The following BIN2 variants were observed in gnomAD, a reference collection of about 807,000 sequenced individuals.
BIN2 encodes bridging integrator 2.
A neutral mutation model predicts 67.9 loss-of-function variants in BIN2; 43 were observed. The ratio of observed to expected loss-of-function variants is 0.63; its 90% CI spans 0.50 to 0.82. The LOEUF (loss-of-function observed/expected upper bound fraction) is 0.82. Among genes scored for constraint, BIN2 ranks in the 40% least tolerant of loss-of-function variants. The pLI, the probability that BIN2 is intolerant of heterozygous loss-of-function variation, is 0.00. For synonymous variants in BIN2, 244 were observed against 246.8 expected, an observed-to-expected ratio of 0.99 and a Z score of 0.11; for missense variants, 581 against 671.6, an observed-to-expected ratio of 0.87 and a Z score of 1.49.
At chr12:51,287,718 CT>C (rs1461079906) in intron 11 of BIN2, among the ~76,000 whole-genome samples, 7 of 150,852 alleles carry the variant, frequency 4.6e-5, no homozygotes, top group Non-Finnish European at 8.8e-5. Context: ...GTGGCGCAAT[CT>C]CGGCTCACTG....
At chr12:51,304,335 C>A (rs1423932401) in intron 2 of BIN2, 1 of 152,218 alleles carries the variant, frequency 6.6e-6, no homozygotes, top group African/African-American at 2.4e-5. Flanking sequence ...TCCACACATG[C>A]TTGAAGACAA....
intron 1 of BIN2, among the ~76,000 whole-genome samples, chr12:51,322,327 T>C (rs1946304218): frequency 6.6e-6 from 1 of 152,238 alleles, no homozygotes; most frequent in Non-Finnish European, 1.5e-5. Flanking sequence ...GTTTTAGTGT[T>C]GACGAGAGGC....
intron 2 of BIN2, among the ~76,000 whole-genome samples, chr12:51,310,308 C>CTT (rs1470146957): frequency 2.0e-4 from 31 of 152,198 alleles, no homozygotes; most frequent in African/African-American, 7.5e-4. Context: ...AACCTAGTAT[C>CTT]ATTAACAAAT....
At chr12:51,318,326 A>G (rs1479081623) in intron 1 of BIN2, among the ~76,000 whole-genome samples, 1 of 147,166 alleles carries the variant, frequency 6.8e-6, no homozygotes, top group Non-Finnish European at 1.5e-5. Flanking sequence ...CAGTGATGCC[A>G]TCTCAGCTCA....
At chr12:51,297,301 G>A in intron 7 of BIN2, 137 bp from the exon 8 acceptor site, 1 of 749,052 alleles carries the variant, frequency 1.3e-6, no homozygotes, top group South Asian at 1.8e-5. Context: ...GGGCACAGTG[G>A]CTCACGCCTG....
rs1945115873 is a variant in BIN2 at position 51,281,389 on chromosome 12, C to T, written c.*110G>A. 4.0e-6 allele frequency: 5 copies of T among 1,235,876 alleles called. No individual in the cohort carries two copies. The highest frequency in any genetic ancestry group is 5.9e-6 in the Non-Finnish European group (5 of 842,458). The allele number at this position is 1,235,876 out of a possible 1,614,324, so 76.6% of individuals were successfully genotyped here. On this transcript the variant is annotated 3_prime_UTR_variant, in exon 13 of 13. Coordinates refer to ENST00000615107, the MANE Select transcript of BIN2 (RefSeq NM_016293.4). ...TCTTTAGACAGCACCAGCATTCCTACTGAGAACCCAGGGATGGATGCTGGC... is the reference window on the plus strand; with the variant it reads ...TCTTTAGACAGCACCAGCATTCCTATTGAGAACCCAGGGATGGATGCTGGC...
chr12:51,299,372 T>C (rs925348745), intron 6 of BIN2, 84 bp from the exon 7 acceptor site: 1 of 1,333,930 alleles, frequency 7.5e-7, no homozygotes. Context: ...TGCATTTTTT[T>C]AGGCACTAGG....
At position 51,284,858 on chromosome 12, in the gene BIN2, C is replaced by G. The variant is rs2063207092; in HGVS notation, c.1597-71G>C. The G allele has an allele frequency of 3.6e-6, 4 of 1,123,564 alleles. No homozygotes were observed. In the South Asian group the frequency reaches 5.0e-5, roughly 14 times the overall value. The allele number at this position is 1,123,564 out of a possible 1,614,324, so 69.6% of individuals were successfully genotyped here. A position where few individuals can be genotyped will look rare whatever the true frequency, so the allele number is the denominator to read the frequency against. On this transcript the variant is annotated intron_variant, in intron 11 of 12. Coordinates refer to ENST00000615107, the MANE Select transcript of BIN2 (RefSeq NM_016293.4). ...CAGCCTCTCAGCATAGAAGTGTCTT[C>G]TGTGCCTTATACTTTACAAGGGTCT...
At chr12:51,305,124 G>C (rs972210808) in intron 2 of BIN2, among the ~76,000 whole-genome samples, 1 of 151,500 alleles carries the variant, frequency 6.6e-6, no homozygotes. Context: ...ATCACCCGAG[G>C]TCAGGAGTTT....
Position 51,288,752 on chromosome 12 carries a change from T to A in BIN2, c.1516-564A>T, listed in dbSNP as rs1053388332. ...GACTGGAGATAATCTATCCTAGATC[T>A]TTTTTTTTTTTTTTGAGACAGGGTC... is the stretch of plus-strand genomic sequence containing the variant. On this transcript the variant is annotated intron_variant, in intron 10 of 12. Coordinates refer to ENST00000615107, the MANE Select transcript of BIN2 (RefSeq NM_016293.4). Among the ~76,000 whole-genome samples, 70 of 5,036 alleles carry A rather than the reference T, an allele frequency of 0.014. No individual in the cohort carries two copies. In the South Asian group the frequency reaches 0.5, roughly 36 times the overall value. 3.3% of individuals were successfully genotyped at this position (5,036 alleles called of 152,430 possible).
In BIN2 at chr12:51,303,086, C is replaced by T; in HGVS notation, c.217+1G>A. 1 of 1,614,092 alleles carries T rather than the reference C, an allele frequency of 6.2e-7. No individual in the cohort carries two copies. ...GGATTCTCCCATGCTGCATTGCCCA[C>T]CTTTGACTGCACTAAGGAAGTTCTT... is the stretch of plus-strand genomic sequence containing the variant. On this transcript the variant is annotated splice_donor_variant, in intron 3 of 12. Transcript: ENST00000615107. LOFTEE classifies it high-confidence loss of function.
At chr12:51,309,956 T>C (rs1945955770) in intron 2 of BIN2, among the ~76,000 whole-genome samples, 1 of 152,114 alleles carries the variant, frequency 6.6e-6, no homozygotes, top group Non-Finnish European at 1.5e-5. Context: ...GAGTTGGAAA[T>C]AGAACAGTAA....
chr12:51,296,210 T>C (rs1488159678), intron 8 of BIN2, among the ~76,000 whole-genome samples: 1 of 152,124 alleles, frequency 6.6e-6, no homozygotes, highest in Non-Finnish European at 1.5e-5. Context: ...CGCCTAAAAA[T>C]GTAAAACTCA....
At position 51,299,253 on chromosome 12, in the gene BIN2, A is replaced by T; in HGVS notation, c.552T>A (p.Phe184Leu). ...EEEFNKAQTV[F>L]EDLNQELLEE... ...CTAGTAGTTCTTGGTTCAGATCTTC[A>T]AACACAGTCTGGGCTTTGTTGAACT... is the stretch of plus-strand genomic sequence containing the variant. Residue 184 changes from phenylalanine to leucine, a missense_variant, in exon 7 of 13, where the codon TTT (phenylalanine) becomes TTA (leucine). Physicochemically the swap from Phe to Leu is conservative, Grantham distance 22 (BLOSUM62 0). Transcript: ENST00000615107. The T allele has an allele frequency of 6.2e-7, 1 of 1,613,900 alleles. No homozygotes were observed. Among genetic ancestry groups the T allele is most frequent in the Non-Finnish European group, 8.5e-7 (1 of 1,179,780 alleles).
intron 2 of BIN2, among the ~76,000 whole-genome samples, chr12:51,307,310 C>A (rs1945892345): frequency 6.6e-6 from 1 of 150,410 alleles, no homozygotes; most frequent in South Asian, 2.1e-4. Flanking sequence ...ATTAACAAGA[C>A]TTTTAAATTC....
chr12:51,322,652 C>T (rs1173334850), intron 1 of BIN2: 2 of 151,776 alleles, frequency 1.3e-5, no homozygotes, highest in Non-Finnish European at 2.9e-5. Flanking sequence ...TCCAGTACCT[C>T]CTGCTCGCCC....
intron 9 of BIN2, 37 bp from the exon 10 acceptor site, chr12:51,292,381 A>G: frequency 6.6e-7 from 1 of 1,517,972 alleles, no homozygotes; most frequent in East Asian, 2.3e-5. Flanking sequence ...GAACGGCTAA[A>G]AACCAGAAGC....
At chr12:51,290,660 G>T (rs774039696) in intron 10 of BIN2, among the ~76,000 whole-genome samples, 1 of 151,824 alleles carries the variant, frequency 6.6e-6, no homozygotes, top group East Asian at 2.0e-4. Flanking sequence ...CCAGCTGGGC[G>T]AGGTGGCTCA....
At chr12:51,284,976 G>T (rs1463580172) in intron 11 of BIN2, among the ~76,000 whole-genome samples, 189 bp from the exon 12 acceptor site, 1 of 152,176 alleles carries the variant, frequency 6.6e-6, no homozygotes, top group Non-Finnish European at 1.5e-5. Flanking sequence ...CTCTTTTACA[G>T]ATGAATAAAC....
Sources: allele counts gnomAD v4.1 joint callset (sites outside exome capture counted in the v4.1 genomes callset), GRCh38; gene constraint gnomAD v4.1.1; transcripts MANE v1.5; gene names NCBI Gene and HGNC (gene_info 2026-07-23, HGNC 2026-07-21).